The following CCSER1 variants were observed in gnomAD, a reference collection of about 807,000 sequenced individuals.
The protein encoded by CCSER1 is serine-rich coiled-coil domain-containing protein 1.
In CCSER1, 41 loss-of-function variants were observed where a neutral mutation model predicts 82.0. That is an observed-to-expected ratio of 0.50 (90% confidence interval 0.39 to 0.65). CCSER1 has a LOEUF of 0.65. Ranked by LOEUF, CCSER1 falls within the 30% of genes least tolerant of loss-of-function variation. The pLI, the probability that CCSER1 is intolerant of heterozygous loss-of-function variation, is 0.00. For missense variants in CCSER1, 1,119 were observed against 1,064.2 expected, an observed-to-expected ratio of 1.05 and a Z score of -0.72; for synonymous variants, 414 against 383.9, an observed-to-expected ratio of 1.08 and a Z score of -0.92.
At chr4:90,834,112 T>C (rs1761487380) in intron 8 of CCSER1, among the ~76,000 whole-genome samples, 1 of 152,200 alleles carries the variant, frequency 6.6e-6, no homozygotes, top group Non-Finnish European at 1.5e-5. Context: ...AAGTTTGATG[T>C]GTGCAACTTT....
chr4:90,702,189 G>C (rs1738295190), intron 6 of CCSER1, among the ~76,000 whole-genome samples: 1 of 152,228 alleles, frequency 6.6e-6, no homozygotes, highest in East Asian at 1.9e-4. Context: ...ATGAAGGGCT[G>C]TTGAATTTTG....
At chr4:91,570,245 T>C (rs1763105975) in intron 10 of CCSER1, among the ~76,000 whole-genome samples, 1 of 152,170 alleles carries the variant, frequency 6.6e-6, no homozygotes, top group African/African-American at 2.4e-5. Flanking sequence ...CATGAGTGCC[T>C]TTGGCTTTTC....
chr4:90,665,920 ACT>A (rs1297772421), intron 6 of CCSER1, among the ~76,000 whole-genome samples: 35 of 151,452 alleles, frequency 2.3e-4, no homozygotes. Flanking sequence ...GGGAAAAGGG[ACT>A]CTGTTTCCAT....
chr4:90,581,327 A>G (rs1482189333), intron 5 of CCSER1, among the ~76,000 whole-genome samples: 2 of 152,152 alleles, frequency 1.3e-5, no homozygotes, highest in African/African-American at 2.4e-5. Flanking sequence ...ATAATATTTC[A>G]TGCAAGAAAA....
At chr4:91,548,494 T>G (rs1416045186) in intron 10 of CCSER1, among the ~76,000 whole-genome samples, 1 of 152,218 alleles carries the variant, frequency 6.6e-6, no homozygotes, top group Non-Finnish European at 1.5e-5. Flanking sequence ...TGTATTGTTT[T>G]TCTTCTCTTT....
At chr4:91,180,383 G>A (rs879908414) in intron 10 of CCSER1, among the ~76,000 whole-genome samples, 1 of 152,222 alleles carries the variant, frequency 6.6e-6, no homozygotes, top group Non-Finnish European at 1.5e-5. Flanking sequence ...GCTGCCTTTT[G>A]TTCAGTTATG....
intron 5 of CCSER1, among the ~76,000 whole-genome samples, chr4:90,623,256 G>T (rs568077591): frequency 6.6e-6 from 1 of 151,688 alleles, no homozygotes; most frequent in Non-Finnish European, 1.5e-5. Flanking sequence ...GGATGGTCTC[G>T]ATCTCCTGAC....
chr4:90,457,089 A>G (rs1459321282), intron 4 of CCSER1, among the ~76,000 whole-genome samples: 1 of 152,168 alleles, frequency 6.6e-6, no homozygotes, highest in African/African-American at 2.4e-5. Context: ...AACAAGGCAC[A>G]CTGGCTGGGG....
intron 1 of CCSER1, among the ~76,000 whole-genome samples, chr4:90,133,674 AATC>A (rs1723180250): frequency 6.6e-6 from 1 of 152,088 alleles, no homozygotes; most frequent in South Asian, 2.1e-4. Flanking sequence ...TCTCTATTTC[AATC>A]ATCACTTCCC....
chr4:90,293,597 TAAAAA>T (rs965430347), intron 1 of CCSER1, among the ~76,000 whole-genome samples: 1 of 150,414 alleles, frequency 6.6e-6, no homozygotes, highest in Non-Finnish European at 1.5e-5. Flanking sequence ...TTTTATAAAA[TAAAAA>T]AAGAAAATAA....
intron 10 of CCSER1, among the ~76,000 whole-genome samples, chr4:91,368,738 G>A (rs1388805416): frequency 6.6e-6 from 1 of 151,792 alleles, no homozygotes; most frequent in East Asian, 1.9e-4. Flanking sequence ...CTTTTATACT[G>A]GAAAAAATAA....
At chr4:91,051,437 A>G (rs1742998887) in intron 9 of CCSER1, among the ~76,000 whole-genome samples, 1 of 152,176 alleles carries the variant, frequency 6.6e-6, no homozygotes, top group Non-Finnish European at 1.5e-5. Context: ...TAGAAATGTG[A>G]GTTTTCACAA....
intron 3 of CCSER1, among the ~76,000 whole-genome samples, chr4:90,377,055 G>T (rs981078715): frequency 1.3e-5 from 2 of 152,074 alleles, no homozygotes; most frequent in Non-Finnish European, 2.9e-5. Context: ...TGTGAAAATG[G>T]CACTCAGGGA....
intron 7 of CCSER1, among the ~76,000 whole-genome samples, chr4:90,747,065 G>A (rs1359467564): frequency 2.0e-5 from 3 of 151,952 alleles, no homozygotes; most frequent in Non-Finnish European, 4.4e-5. Context: ...AGAGGCAGAG[G>A]TAGAGAGAAG....
intron 1 of CCSER1, among the ~76,000 whole-genome samples, chr4:90,286,644 C>A (rs1729953135): frequency 6.6e-6 from 1 of 151,976 alleles, no homozygotes; most frequent in African/African-American, 2.4e-5. Flanking sequence ...GTAACAGATA[C>A]ATTTTCTCAG....
At chr4:91,450,060 TG>T (rs1300528924) in intron 10 of CCSER1, among the ~76,000 whole-genome samples, 2 of 152,030 alleles carry the variant, frequency 1.3e-5, no homozygotes, top group Non-Finnish European at 2.9e-5. Context: ...TGCTATGAAC[TG>T]GGTACTACAC....
intron 9 of CCSER1, among the ~76,000 whole-genome samples, chr4:91,030,388 T>G (rs896169946): frequency 2.6e-5 from 4 of 152,108 alleles, no homozygotes; most frequent in Non-Finnish European, 1.5e-5. Flanking sequence ...AATGTGAATA[T>G]TGTGACTAAG....
At chr4:90,511,162 G>A (rs561530003) in intron 5 of CCSER1, among the ~76,000 whole-genome samples, 1 of 152,178 alleles carries the variant, frequency 6.6e-6, no homozygotes, top group South Asian at 2.1e-4. Flanking sequence ...GCTCATGCCT[G>A]TAATCTCACC....
intron 5 of CCSER1, among the ~76,000 whole-genome samples, chr4:90,494,156 A>T (rs1425864820): frequency 2.6e-5 from 4 of 152,222 alleles, no homozygotes; most frequent in Non-Finnish European, 5.9e-5. Flanking sequence ...CAAAGGTCAA[A>T]AGAGACAAAG....
Sources: gnomAD v4.1 joint callset for allele counts (sites outside exome capture counted in the v4.1 genomes callset) on GRCh38, gnomAD v4.1.1 for gene constraint, MANE v1.5 for transcripts, NCBI Gene and HGNC (gene_info 2026-07-23, HGNC 2026-07-21) for gene names.